NCAM2: variants seen among roughly 807,000 people sequenced by gnomAD.
The protein encoded by NCAM2 is neural cell adhesion molecule 2, also known as N-CAM-2.
Under a neutral mutation model 98.1 loss-of-function variants are expected in NCAM2, and 30 were observed. The ratio of observed to expected loss-of-function variants is 0.31; its 90% CI spans 0.23 to 0.41. The LOEUF (loss-of-function observed/expected upper bound fraction) is 0.41, where lower values mean the gene tolerates loss of function less well. Ranked by LOEUF, NCAM2 falls within the 10% of genes least tolerant of loss-of-function variation. The probability of loss-of-function intolerance (pLI) is 1.00; values close to 1 mark genes in which losing one functional copy is unlikely to be tolerated. For missense variants in NCAM2, 867 were observed against 1,005.8 expected (o/e 0.86, Z 1.87); for synonymous variants, 368 against 342.4 (o/e 1.07, Z -0.83).
At chr21:21,451,038 T>C (rs1465371311) in intron 12 of NCAM2, among the ~76,000 whole-genome samples, 1 of 152,108 alleles carries the variant, frequency 6.6e-6, no homozygotes, top group Non-Finnish European at 1.5e-5. Flanking sequence ...GAAATAGTTT[T>C]CTCTTCCTTT....
intron 1 of NCAM2, among the ~76,000 whole-genome samples, chr21:21,124,698 A>G (rs192704733): frequency 3.1e-4 from 47 of 152,202 alleles, no homozygotes; most frequent in Non-Finnish European, 5.9e-5. Context: ...TTCTTCTCCT[A>G]GGCTCCTTTT....
intron 9 of NCAM2, among the ~76,000 whole-genome samples, chr21:21,404,020 G>T (rs568049582): frequency 3.2e-4 from 48 of 151,982 alleles, no homozygotes; most frequent in African/African-American, 1.2e-3. Flanking sequence ...TATGAATTTT[G>T]CCCTCTTTAT....
At chr21:21,354,692 A>G (rs1602082068) in intron 8 of NCAM2, among the ~76,000 whole-genome samples, 2 of 152,222 alleles carry the variant, frequency 1.3e-5, no homozygotes, top group South Asian at 2.1e-4. Flanking sequence ...TGTTGTAATT[A>G]GGATAGAACC....
chr21:21,277,635 T>C (rs1188005797), intron 1 of NCAM2, among the ~76,000 whole-genome samples: 2 of 152,080 alleles, frequency 1.3e-5, no homozygotes, highest in African/African-American at 4.8e-5. Context: ...TGGAAATGAG[T>C]AATAGCAAAT....
At chr21:21,294,505 A>G (rs1414447297) in intron 5 of NCAM2, among the ~76,000 whole-genome samples, 2 of 151,922 alleles carry the variant, frequency 1.3e-5, no homozygotes, top group Non-Finnish European at 2.9e-5. Flanking sequence ...AGAATCAACC[A>G]TAGATTCTAA....
chr21:21,325,083 G>A (rs1293461851), intron 6 of NCAM2, among the ~76,000 whole-genome samples: 5 of 151,968 alleles, frequency 3.3e-5, no homozygotes, highest in Admixed American at 3.3e-4. Context: ...TTAAGTTCAA[G>A]AATATTTTTA....
chr21:21,329,768 C>T (rs1258749543), intron 6 of NCAM2, among the ~76,000 whole-genome samples: 1 of 151,976 alleles, frequency 6.6e-6, no homozygotes, highest in African/African-American at 2.4e-5. Flanking sequence ...GAAAAATTGC[C>T]AGTGAAACCA....
At chr21:21,005,137 C>G (rs2146113392) in intron 1 of NCAM2, among the ~76,000 whole-genome samples, 1 of 152,214 alleles carries the variant, frequency 6.6e-6, no homozygotes, top group East Asian at 1.9e-4. Context: ...ACCTGGAGGC[C>G]AAGCTGGTTT....
Position 21,005,609 on chromosome 21 carries a change from G to T in NCAM2, c.55+6991G>T, listed in dbSNP as rs1248249283. On this transcript the variant is annotated intron_variant, in intron 1 of 17. Coordinates refer to ENST00000400546, the MANE Select transcript of NCAM2 (RefSeq NM_004540.5). ...TTTATTTGTCATCTGTCTTTATCTTGTTCTTCCATCCCCATTTATACTTTA... is the reference window on the plus strand; with the variant it reads ...TTTATTTGTCATCTGTCTTTATCTTTTTCTTCCATCCCCATTTATACTTTA... 4.6e-5 allele frequency among the ~76,000 whole-genome samples: 7 copies of T among 151,744 alleles called. No individual in the cohort carries two copies. The East Asian group carries it at 1.4e-3, about 29-fold the overall frequency.
intron 9 of NCAM2, among the ~76,000 whole-genome samples, chr21:21,401,659 G>A (rs116494609): frequency 0.013 from 1,912 of 152,044 alleles, 43 homozygotes; most frequent in African/African-American, 0.044. Context: ...TTTTCATTTT[G>A]TATATATACT....
At chr21:21,380,645 T>G (rs1002750649) in intron 9 of NCAM2, among the ~76,000 whole-genome samples, 5 of 152,104 alleles carry the variant, frequency 3.3e-5, no homozygotes, top group Non-Finnish European at 7.4e-5. Flanking sequence ...CAATGGCAGA[T>G]CTAGTCTTTC....
chr21:21,324,032 C>T (rs2074444828), intron 5 of NCAM2, among the ~76,000 whole-genome samples: 1 of 151,970 alleles, frequency 6.6e-6, no homozygotes, highest in Non-Finnish European at 1.5e-5. Flanking sequence ...TATATGTTTG[C>T]TAAAATATGT....
chr21:21,328,011 C>G (rs1054595937), intron 6 of NCAM2, among the ~76,000 whole-genome samples: 3 of 152,018 alleles, frequency 2.0e-5, no homozygotes, highest in African/African-American at 7.3e-5. Context: ...ATTGTTAGCC[C>G]ATTAATTTCA....
intron 1 of NCAM2, among the ~76,000 whole-genome samples, chr21:21,116,541 A>T (rs2066563024): frequency 6.6e-6 from 1 of 152,170 alleles, no homozygotes; most frequent in Non-Finnish European, 1.5e-5. Context: ...TCCATTTAGC[A>T]TAGTAGGTAC....
chr21:21,099,721 A>C (rs1232354850), intron 1 of NCAM2, among the ~76,000 whole-genome samples: 1 of 151,864 alleles, frequency 6.6e-6, no homozygotes, highest in Non-Finnish European at 1.5e-5. Flanking sequence ...GAAGGTTGTT[A>C]GCTTTAGCTA....
chr21:21,291,473 G>A (rs1244134957), intron 4 of NCAM2, among the ~76,000 whole-genome samples: 1 of 150,660 alleles, frequency 6.6e-6, no homozygotes, highest in Admixed American at 6.6e-5. Context: ...TTTTATATAT[G>A]CATGTGCACA....
At chr21:21,254,949 A>ATGTG (rs58330278) in intron 1 of NCAM2, among the ~76,000 whole-genome samples, 2,114 of 148,368 alleles carry the variant, frequency 0.014, 48 homozygotes, top group African/African-American at 0.05. Context: ...TAGCATATCT[A>ATGTG]TGTGTGTGTG....
chr21:21,066,037 T>G (rs1335115780), intron 1 of NCAM2, among the ~76,000 whole-genome samples: 1 of 152,282 alleles, frequency 6.6e-6, no homozygotes, highest in South Asian at 2.1e-4. Flanking sequence ...AGTGTCCTTG[T>G]TAAGTGCCCC....
chr21:21,477,377 G>T lies in NCAM2; in HGVS notation c.1983G>T (p.Gly661=), dbSNP rs369824131. ...IILEHLQWTM[G]YEVQITAANR... ...TGGAGCATCTCCAGTGGACCATGGG[G>T]TATGAAGTTCAGATTACAGCTGCCA... Residue 661 remains glycine, a synonymous_variant, in exon 15 of 18, where the codon GGG becomes GGT. Coordinates refer to ENST00000400546, the MANE Select transcript of NCAM2 (RefSeq NM_004540.5). 1.2e-5 allele frequency: 19 copies of T among 1,612,562 alleles called. No homozygotes were observed. The highest frequency in any genetic ancestry group is 2.2e-5 in the South Asian group (2 of 90,934).
Sources: allele counts gnomAD v4.1 joint callset (sites outside exome capture counted in the v4.1 genomes callset), GRCh38; gene constraint gnomAD v4.1.1; transcripts MANE v1.5; gene names NCBI Gene and HGNC (gene_info 2026-07-23, HGNC 2026-07-21).